The following CMSS1 variants were observed in gnomAD, a reference collection of about 807,000 sequenced individuals.
The protein encoded by CMSS1 is cms1 ribosomal small subunit homolog.
In CMSS1, 33 loss-of-function variants were observed where a neutral mutation model predicts 43.5. The ratio of observed to expected loss-of-function variants is 0.76; its 90% confidence interval spans 0.57 to 1.01. CMSS1 has a LOEUF of 1.01. Ranked by LOEUF, CMSS1 falls within the 50% of genes least tolerant of loss-of-function variation. CMSS1 has a pLI of 0.00. For synonymous variants in CMSS1, 115 were observed against 117.2 expected, an observed-to-expected ratio of 0.98 and a Z score of 0.12; for missense variants, 313 against 326.4, an observed-to-expected ratio of 0.96 and a Z score of 0.32.
At position 100,117,290 on chromosome 3, in the gene CMSS1, G is replaced by A. The variant is rs540034538; in HGVS notation, c.65-29683G>A. Among the ~76,000 whole-genome samples the A allele has an allele frequency of 1.2e-3, 182 of 152,142 alleles. 1 individual carries two copies. In the Middle Eastern group the frequency reaches 0.014, roughly 11 times the overall value. ...TAATTCAGACAGAAACCCTATGGGA[G>A]AAATAGTCTTTTTTTCCAACTTTAC... On this transcript the variant is annotated intron_variant, in intron 1 of 9. Transcript: ENST00000421999.
chr3:99,925,999 A>G, intron 1 of CMSS1: 1 of 382,998 alleles, frequency 2.6e-6, no homozygotes, highest in Non-Finnish European at 3.6e-6. Flanking sequence ...GGTTTTGAAA[A>G]CACCCGACTT....
rs572022557 is a variant in CMSS1 at position 100,175,924 on chromosome 3, C to G, written c.668-403C>G. Among the ~76,000 whole-genome samples, 3 of 152,338 alleles carry G rather than the reference C, an allele frequency of 2.0e-5. No homozygotes were observed. The East Asian group carries it at 5.8e-4, about 29-fold the overall frequency. Reference sequence around the variant, plus strand: ...AACCCTGTCCTCATCTTTCTCCCCACTCACCTCCTGAGAGCCCTGCAGACT... The same window carrying G: ...AACCCTGTCCTCATCTTTCTCCCCAGTCACCTCCTGAGAGCCCTGCAGACT... On this transcript the variant is annotated intron_variant, in intron 8 of 9. Transcript: ENST00000421999.
At chr3:99,905,340 G>A (rs1706579816) in intron 1 of CMSS1, among the ~76,000 whole-genome samples, 1 of 152,074 alleles carries the variant, frequency 6.6e-6, no homozygotes, top group Non-Finnish European at 1.5e-5. Context: ...TATCTCACCA[G>A]TTCCTCAACC....
intron 1 of CMSS1, among the ~76,000 whole-genome samples, chr3:100,013,214 G>GTGTTGGTGT (rs1553705415): frequency 1.4e-5 from 2 of 145,414 alleles, no homozygotes; most frequent in African/African-American, 5.1e-5. Flanking sequence ...GGCCAGTGAG[G>GTGTTGGTGT]TGTTGTTGTT....
chr3:100,036,382 A>G (rs1209930361), intron 1 of CMSS1, among the ~76,000 whole-genome samples: 1 of 152,216 alleles, frequency 6.6e-6, no homozygotes, highest in Non-Finnish European at 1.5e-5. Flanking sequence ...TGATGAGGAC[A>G]TGTCAAAAGG....
chr3:100,092,813 T>A (rs546507918), intron 1 of CMSS1, among the ~76,000 whole-genome samples: 22 of 151,880 alleles, frequency 1.4e-4, no homozygotes, highest in African/African-American at 5.1e-4. Context: ...GGATCAGAAG[T>A]ATCTATTACC....
intron 1 of CMSS1, among the ~76,000 whole-genome samples, chr3:99,947,496 G>A (rs867594008): frequency 6.6e-6 from 1 of 152,088 alleles, no homozygotes; most frequent in African/African-American, 2.4e-5. Flanking sequence ...TTTCCCTATG[G>A]ATCCAGAAGG....
intron 1 of CMSS1, chr3:99,929,835 C>T (rs990845013): frequency 2.5e-6 from 4 of 1,573,086 alleles, no homozygotes; most frequent in East Asian, 2.3e-5. Flanking sequence ...CCCAGGTACA[C>T]ACCCCTATTG....
At chr3:100,138,334 T>G (rs2066772760) in intron 1 of CMSS1, among the ~76,000 whole-genome samples, 1 of 151,962 alleles carries the variant, frequency 6.6e-6, no homozygotes, top group Non-Finnish European at 1.5e-5. Context: ...AAGCCAAAAT[T>G]GACAAATTAG....
At chr3:100,091,855 T>C (rs2066116200) in intron 1 of CMSS1, among the ~76,000 whole-genome samples, 1 of 152,184 alleles carries the variant, frequency 6.6e-6, no homozygotes, top group South Asian at 2.1e-4. Context: ...CGATTCCACG[T>C]TGGGCCTGAG....
chr3:99,947,579 C>T (rs1411620866), intron 1 of CMSS1, among the ~76,000 whole-genome samples: 1 of 152,118 alleles, frequency 6.6e-6, no homozygotes, highest in Non-Finnish European at 1.5e-5. Context: ...GAGAACTGTC[C>T]TCGGCTGAGA....
intron 1 of CMSS1, among the ~76,000 whole-genome samples, chr3:99,824,677 C>T (rs572745907): frequency 2.6e-5 from 4 of 152,332 alleles, no homozygotes; most frequent in South Asian, 4.1e-4. Flanking sequence ...TGGCAAATGC[C>T]GCTTTTCTCT....
At position 99,868,945 on chromosome 3, in the gene CMSS1, G is replaced by A. The variant is rs995299638; in HGVS notation, c.64+50902G>A. On this transcript the variant is annotated intron_variant, in intron 1 of 9. Coordinates refer to ENST00000421999, the MANE Select transcript of CMSS1 (RefSeq NM_032359.4). ...TATTACTTTTGCCGTTAAGCCAACT[G>A]TAAGCTCCTTAAAGGAATAATACCT... Among the ~76,000 whole-genome samples the A allele has an allele frequency of 2.0e-5, 3 of 152,110 alleles. No individual in the cohort carries two copies. The East Asian group carries it at 5.8e-4, about 29-fold the overall frequency.
chr3:100,172,054 C>G (rs1192864454), intron 7 of CMSS1, 155 bp downstream of exon 7: 2 of 665,966 alleles, frequency 3.0e-6, no homozygotes, highest in Non-Finnish European at 5.2e-6. Context: ...TTCTATGCTT[C>G]TGCATACCTA....
chr3:100,143,920 T>C (rs1344188682), intron 1 of CMSS1, among the ~76,000 whole-genome samples: 5 of 152,204 alleles, frequency 3.3e-5, no homozygotes, highest in Non-Finnish European at 7.3e-5. Context: ...TATGTCTTTT[T>C]TTCATCCCTT....
chr3:100,057,571 C>T (rs1040338328), intron 1 of CMSS1, among the ~76,000 whole-genome samples: 3 of 152,156 alleles, frequency 2.0e-5, no homozygotes, highest in Non-Finnish European at 2.9e-5. Flanking sequence ...AAAGTCTGCT[C>T]CCCTCCTGCA....
chr3:99,848,773 T>A, intron 1 of CMSS1: 1 of 1,614,140 alleles, frequency 6.2e-7, no homozygotes, highest in African/African-American at 1.3e-5. Flanking sequence ...TTGTTCTAAA[T>A]TCATGAGGTC....
intron 1 of CMSS1, among the ~76,000 whole-genome samples, chr3:99,949,398 T>C (rs1708109998): frequency 6.6e-6 from 1 of 152,254 alleles, no homozygotes; most frequent in South Asian, 2.1e-4. Context: ...GGATTTTTGT[T>C]CTTCAGCTCT....
At chr3:99,966,518 G>C (rs1708656760) in intron 1 of CMSS1, among the ~76,000 whole-genome samples, 1 of 152,130 alleles carries the variant, frequency 6.6e-6, no homozygotes, top group African/African-American at 2.4e-5. Context: ...ATAGTACGGA[G>C]ACTTAGACTG....
Sources: gnomAD v4.1 joint callset for allele counts (sites outside exome capture counted in the v4.1 genomes callset) on GRCh38, gnomAD v4.1.1 for gene constraint, MANE v1.5 for transcripts, NCBI Gene and HGNC (gene_info 2026-07-23, HGNC 2026-07-21) for gene names.